The following PLCH1 variants were observed in gnomAD, a reference collection of about 807,000 sequenced individuals.
The protein encoded by PLCH1 is 1-phosphatidylinositol 4,5-bisphosphate phosphodiesterase eta-1.
Under a neutral mutation model 126.7 loss-of-function variants are expected in PLCH1, and 60 were observed. The observed-to-expected ratio is 0.47, with a 90% CI of 0.38 to 0.59. PLCH1 has a LOEUF of 0.59. Ranked by LOEUF, PLCH1 falls within the 20% of genes least tolerant of loss-of-function variation. PLCH1 has a pLI of 0.00. For missense variants in PLCH1, 1,723 were observed against 2,040.0 expected (o/e 0.84, Z 2.99); for synonymous variants, 719 against 734.9 (o/e 0.98, Z 0.35).
intron 13 of PLCH1, among the ~76,000 whole-genome samples, chr3:155,502,503 C>T (rs1427963879): frequency 6.6e-6 from 1 of 152,086 alleles, no homozygotes. Flanking sequence ...AAGTTGCAAT[C>T]CAGAAATGAA....
chr3:155,494,032 A>C (rs1716642523), intron 17 of PLCH1, 109 bp downstream of exon 17: 1 of 805,144 alleles, frequency 1.2e-6, no homozygotes, highest in Non-Finnish European at 2.0e-6. Context: ...AAAGTTGAAA[A>C]ACTCTGGGGT....
intron 8 of PLCH1, among the ~76,000 whole-genome samples, chr3:155,555,913 G>T (rs563895612): frequency 7.3e-4 from 111 of 152,282 alleles, no homozygotes; most frequent in South Asian, 1.7e-3. Flanking sequence ...AATGGGAAAT[G>T]TGTGCCTGAA....
At chr3:155,513,985 T>C (rs567438013) in intron 12 of PLCH1, among the ~76,000 whole-genome samples, 2 of 152,116 alleles carry the variant, frequency 1.3e-5, no homozygotes, top group Non-Finnish European at 2.9e-5. Context: ...AACATGTAAC[T>C]CATGGGGCTA....
chr3:155,474,821 G>C (rs1287418392), intron 21 of PLCH1, among the ~76,000 whole-genome samples: 14 of 115,492 alleles, frequency 1.2e-4, no homozygotes, highest in African/African-American at 5.3e-4. Flanking sequence ...GTAAACTATC[G>C]CAAGAACAAA....
intron 2 of PLCH1, among the ~76,000 whole-genome samples, chr3:155,702,232 G>A (rs1746334425): frequency 6.6e-6 from 1 of 152,206 alleles, no homozygotes; most frequent in African/African-American, 2.4e-5. Context: ...TCACAGAAAA[G>A]AGAACTGAGT....
intron 12 of PLCH1, among the ~76,000 whole-genome samples, chr3:155,512,163 G>T (rs1400032618): frequency 6.6e-6 from 1 of 151,818 alleles, no homozygotes; most frequent in Non-Finnish European, 1.5e-5. Flanking sequence ...GGAACTCCCT[G>T]ACCCCTTGCG....
Position 155,649,839 on chromosome 3 carries a change from G to T in PLCH1, c.80-53461C>A, listed in dbSNP as rs141202837. The stretch of plus-strand genomic sequence containing the variant: ...TAAAAATACAAAAAATTAGCCAGGC[G>T]CGGTGATGGGCGCCTGCAGTCCCAG... On this transcript the variant is annotated intron_variant, in intron 2 of 22. Transcript: ENST00000460012. Among the ~76,000 whole-genome samples, 852 of 152,200 alleles carry T rather than the reference G, an allele frequency of 5.6e-3. 11 individuals are homozygous for T. Among genetic ancestry groups the T allele is most frequent in the African/African-American group, 0.019 (807 of 41,508 alleles).
Position 155,488,117 on chromosome 3 carries a change from G to T in PLCH1, c.2540-10C>A. On this transcript the variant is annotated splice_polypyrimidine_tract_variant and intron_variant, in intron 20 of 22. Transcript: ENST00000460012. ...TAGACATGCCGGTAGCCTGATAAAA[G>T]GAAAGAGAGTCGTTTCTTTTTAGTT... 6.3e-7 allele frequency: 1 copy of T among 1,580,378 alleles called. No homozygotes were observed. The highest frequency in any genetic ancestry group is 8.7e-7 in the Non-Finnish European group (1 of 1,149,402).
chr3:155,735,777 T>C (rs1749137899), intron 1 of PLCH1, among the ~76,000 whole-genome samples: 1 of 152,184 alleles, frequency 6.6e-6, no homozygotes, highest in Non-Finnish European at 1.5e-5. Context: ...AACATGTATA[T>C]AATTTTTGTC....
chr3:155,474,874 C>T (rs1713458804), intron 21 of PLCH1, among the ~76,000 whole-genome samples: 1 of 124,094 alleles, frequency 8.1e-6, no homozygotes. Flanking sequence ...GGGAGTTGAA[C>T]AATGAGATCA....
At chr3:155,700,834 C>T (rs1746216034) in intron 2 of PLCH1, among the ~76,000 whole-genome samples, 1 of 152,160 alleles carries the variant, frequency 6.6e-6, no homozygotes, top group African/African-American at 2.4e-5. Context: ...CAGGATAAAT[C>T]ATGAAGGTAT....
intron 2 of PLCH1, among the ~76,000 whole-genome samples, chr3:155,702,816 C>T (rs943764496): frequency 4.6e-5 from 7 of 152,054 alleles, no homozygotes; most frequent in Admixed American, 2.6e-4. Context: ...AAATTTGCAA[C>T]AGAACAATAC....
intron 1 of PLCH1, among the ~76,000 whole-genome samples, chr3:155,735,222 G>A (rs79783908): frequency 0.013 from 2,001 of 152,290 alleles, 23 homozygotes; most frequent in Non-Finnish European, 0.021. Flanking sequence ...ACTGGGTGGC[G>A]GGTGGGGAAG....
chr3:155,643,648 T>C (rs1739671454), intron 2 of PLCH1, among the ~76,000 whole-genome samples: 1 of 152,156 alleles, frequency 6.6e-6, no homozygotes, highest in Non-Finnish European at 1.5e-5. Context: ...ATCATTCCAT[T>C]AGTTATATTC....
chr3:155,589,696 T>C (rs1397368859), intron 4 of PLCH1, among the ~76,000 whole-genome samples: 4 of 152,174 alleles, frequency 2.6e-5, no homozygotes, highest in Non-Finnish European at 5.9e-5. Flanking sequence ...GCCAGAACCA[T>C]CATCTTTGCA....
chr3:155,500,787 G>T lies in PLCH1; in HGVS notation c.1712C>A (p.Thr571Lys), dbSNP rs1426927752. The change falls in exon 14 of 23, where the codon ACA (threonine) becomes AAA (lysine). Residue 571 changes from threonine (T) to lysine (K), a missense_variant. Thr to Lys is a moderately conservative substitution (Grantham distance 78). This residue lies in a region of PLCH1 where 776 missense variants were observed against 1,062.9 expected (regional missense o/e 0.73). Coordinates refer to ENST00000460012, the MANE Select transcript of PLCH1 (RefSeq NM_014996.4). ...MTNFGKHKKT[T>K]KSRSKSYSTD... ...ACTGTAAGATTTAGACCGTGATTTT[G>T]TAGTTTTCTGCCAGAAAAATCAAAA... The T allele has an allele frequency of 1.2e-6, 2 of 1,608,400 alleles. No individual in the cohort carries two copies. Among genetic ancestry groups the T allele is most frequent in the South Asian group, 2.2e-5 (2 of 90,858 alleles).
At chr3:155,721,096 C>T (rs1230454304) in intron 1 of PLCH1, among the ~76,000 whole-genome samples, 1 of 152,162 alleles carries the variant, frequency 6.6e-6, no homozygotes, top group Non-Finnish European at 1.5e-5. Context: ...CATACCAGTG[C>T]CGTGCTGTTT....
At chr3:155,738,406 T>A (rs1258850823) in intron 1 of PLCH1, among the ~76,000 whole-genome samples, 3 of 151,544 alleles carry the variant, frequency 2.0e-5, no homozygotes, top group African/African-American at 7.3e-5. Context: ...CTTTGGGAGG[T>A]AGAGGTCGGA....
intron 11 of PLCH1, among the ~76,000 whole-genome samples, chr3:155,517,083 G>T (rs927302166): frequency 6.6e-6 from 1 of 152,118 alleles, no homozygotes. Flanking sequence ...AAACTGGGAG[G>T]ATCGCTTGAG....
Sources: allele counts gnomAD v4.1 joint callset (sites outside exome capture counted in the v4.1 genomes callset), GRCh38; gene constraint gnomAD v4.1.1; regional missense constraint gnomAD v4.1.1; transcripts MANE v1.5; gene names NCBI Gene and HGNC (gene_info 2026-07-23, HGNC 2026-07-21).